COLEC12: variants seen among roughly 807,000 people sequenced by gnomAD.
COLEC12 encodes the protein collectin subfamily member 12.
COLEC12 carries 33 observed loss-of-function variants against 71.1 expected under a neutral mutation model. That is an observed-to-expected ratio of 0.46 (90% CI 0.35 to 0.62). The LOEUF (loss-of-function observed/expected upper bound fraction) is 0.62, where lower values mean the gene tolerates loss of function less well. COLEC12 is among the 20% of genes least tolerant of loss of function. The pLI is 0.00. For missense variants in COLEC12, 765 were observed against 916.1 expected (o/e 0.84, Z 2.13); for synonymous variants, 350 against 353.0 (o/e 0.99, Z 0.10).
At chr18:340,096 A>G (rs976900180) in intron 5 of COLEC12, among the ~76,000 whole-genome samples, 2 of 151,736 alleles carry the variant, frequency 1.3e-5, no homozygotes, top group Non-Finnish European at 2.9e-5. Context: ...AAAAAACAAA[A>G]AGAACAGAGT....
chr18:405,610 T>C (rs1915769327), intron 2 of COLEC12, among the ~76,000 whole-genome samples: 2 of 152,190 alleles, frequency 1.3e-5, no homozygotes, highest in Non-Finnish European at 2.9e-5. Context: ...TGGGGCTGTA[T>C]AAGCTGAATG....
At chr18:336,493 G>T (rs1488406580) in intron 5 of COLEC12, among the ~76,000 whole-genome samples, 4 of 152,164 alleles carry the variant, frequency 2.6e-5, no homozygotes, top group Non-Finnish European at 5.9e-5. Context: ...TTTCTCAGGG[G>T]TAACAGGAAA....
intron 2 of COLEC12, among the ~76,000 whole-genome samples, chr18:383,824 T>G (rs975312786): frequency 5.9e-5 from 9 of 152,086 alleles, no homozygotes; most frequent in African/African-American, 2.2e-4. Flanking sequence ...GAGGTATAAT[T>G]GACTCACAGT....
At position 338,737 on chromosome 18, in the gene COLEC12, G is replaced by A. The variant is rs184771820; in HGVS notation, c.1328-3507C>T. On this transcript the variant is annotated intron_variant, in intron 5 of 9. Transcript: ENST00000400256. ...AGATGAATAGTGGTGAAGGTGTCAC[G>A]TATGTTCCGCCACAATGGACGTAGC... 1.2e-4 allele frequency among the ~76,000 whole-genome samples: 19 copies of A among 152,318 alleles called. 2 individuals are homozygous for A. Among genetic ancestry groups the A allele is most frequent in the African/African-American group, 3.9e-4 (16 of 41,556 alleles).
intron 2 of COLEC12, among the ~76,000 whole-genome samples, chr18:359,898 T>C (rs1049011163): frequency 1.3e-5 from 2 of 152,236 alleles, no homozygotes; most frequent in African/African-American, 2.4e-5. Flanking sequence ...AGTGCCCTTC[T>C]TCAGTGAAAA....
intron 2 of COLEC12, among the ~76,000 whole-genome samples, chr18:396,737 C>T (rs775038446): frequency 3.0e-4 from 45 of 152,322 alleles, no homozygotes; most frequent in Non-Finnish European, 5.6e-4. Context: ...TGAATGCAGC[C>T]GCCTTGGCAA....
chr18:407,494 C>A (rs1024077948), intron 2 of COLEC12, among the ~76,000 whole-genome samples: 1 of 152,062 alleles, frequency 6.6e-6, no homozygotes, highest in Non-Finnish European at 1.5e-5. Context: ...AGTCTGAAGG[C>A]AGGAGAAAAT....
intron 2 of COLEC12, among the ~76,000 whole-genome samples, chr18:392,573 T>C (rs1454037902): frequency 6.6e-6 from 1 of 152,240 alleles, no homozygotes; most frequent in African/African-American, 2.4e-5. Flanking sequence ...TTTGGTGAAA[T>C]GCCACACCCT....
intron 2 of COLEC12, among the ~76,000 whole-genome samples, chr18:365,178 C>A (rs1165505027): frequency 1.3e-5 from 2 of 152,188 alleles, no homozygotes; most frequent in African/African-American, 2.4e-5. Flanking sequence ...GGTTAACTAA[C>A]TTACAGGCCT....
intron 5 of COLEC12, among the ~76,000 whole-genome samples, chr18:344,652 G>C (rs1406126273): frequency 6.6e-6 from 1 of 152,226 alleles, no homozygotes; most frequent in Admixed American, 6.5e-5. Flanking sequence ...TTCCCTGGAA[G>C]ACATATTTCA....
intron 2 of COLEC12, among the ~76,000 whole-genome samples, chr18:453,302 G>A (rs4798222): frequency 0.13 from 20,102 of 152,148 alleles, 1,569 homozygotes; most frequent in Middle Eastern, 0.21. Context: ...TAGAATTTAA[G>A]AATTAATCAA....
chr18:448,245 T>G (rs1598367340), intron 2 of COLEC12, among the ~76,000 whole-genome samples: 1 of 152,220 alleles, frequency 6.6e-6, no homozygotes, highest in Non-Finnish European at 1.5e-5. Flanking sequence ...CCAAAATGAA[T>G]CAGGGTGGTT....
intron 3 of COLEC12, 41 bp from the exon 4 acceptor site, chr18:348,204 CATATT>C (rs1914429682): frequency 4.9e-6 from 6 of 1,216,852 alleles, no homozygotes; most frequent in Non-Finnish European, 4.8e-6. Flanking sequence ...CATATCTGCT[CATATT>C]TTATTTTTCA....
At chr18:467,480 G>A (rs559698555) in intron 2 of COLEC12, among the ~76,000 whole-genome samples, 1 of 152,292 alleles carries the variant, frequency 6.6e-6, no homozygotes, top group South Asian at 2.1e-4. Context: ...GGTAACTGGT[G>A]GGTTTATGTT....
chr18:454,639 G>A (rs546787966), intron 2 of COLEC12, among the ~76,000 whole-genome samples: 29 of 152,300 alleles, frequency 1.9e-4, no homozygotes, highest in Middle Eastern at 6.8e-3. Flanking sequence ...CCGAGATCAC[G>A]TCATTGCACT....
At position 360,475 on chromosome 18, in the gene COLEC12, G is replaced by A. The variant is rs140412993; in HGVS notation, c.59-2953C>T. On this transcript the variant is annotated intron_variant, in intron 2 of 9. Transcript: ENST00000400256. ...CAAAGTGCTGGGAGTATAGGTGTGA[G>A]CCACCACGCCTGGCCAAGAATTTGG... 2.0e-4 allele frequency among the ~76,000 whole-genome samples: 31 copies of A among 152,306 alleles called. No homozygotes were observed. The East Asian group carries it at 5.4e-3, about 27-fold the overall frequency.
At chr18:455,645 T>C (rs1486959289) in intron 2 of COLEC12, among the ~76,000 whole-genome samples, 1 of 148,658 alleles carries the variant, frequency 6.7e-6, no homozygotes, top group Non-Finnish European at 1.5e-5. Flanking sequence ...CCCCCTCCCT[T>C]TGCCCCCCCC....
At chr18:481,018 T>G (rs762323371) in intron 1 of COLEC12, among the ~76,000 whole-genome samples, 7 of 152,144 alleles carry the variant, frequency 4.6e-5, no homozygotes, top group Non-Finnish European at 7.3e-5. Flanking sequence ...GAGATGCCTT[T>G]CTGGACCACC....
intron 2 of COLEC12, among the ~76,000 whole-genome samples, chr18:409,719 T>C (rs945066155): frequency 6.6e-6 from 1 of 152,206 alleles, no homozygotes; most frequent in African/African-American, 2.4e-5. Flanking sequence ...TTTGATACCA[T>C]AGATATTAAT....
Sources: allele counts gnomAD v4.1 joint callset (sites outside exome capture counted in the v4.1 genomes callset), GRCh38; gene constraint gnomAD v4.1.1; transcripts MANE v1.5; gene names NCBI Gene and HGNC (gene_info 2026-07-23, HGNC 2026-07-21).